The following ANO4 variants were observed in gnomAD, a reference collection of about 807,000 sequenced individuals.
ANO4 encodes anoctamin 4, also known as anoctamin-4.
In ANO4, 69 loss-of-function variants were observed where a neutral mutation model predicts 141.9. That is an observed-to-expected ratio of 0.49 (90% CI 0.40 to 0.59). The LOEUF is 0.59. ANO4 is among the 20% of genes least tolerant of loss of function. The probability of loss-of-function intolerance (pLI) is 0.00; values close to 1 mark genes in which losing one functional copy is unlikely to be tolerated. For synonymous variants in ANO4, 350 were observed against 394.3 expected (o/e 0.89, Z 1.33); for missense variants, 894 against 1,162.2 (o/e 0.77, Z 3.36).
intron 2 of ANO4, among the ~76,000 whole-genome samples, chr12:100,920,842 A>G (rs966655128): frequency 1.3e-5 from 2 of 152,080 alleles, no homozygotes; most frequent in Admixed American, 6.6e-5. Flanking sequence ...ATTATTATGG[A>G]TGATCATAGT....
At chr12:100,719,350 A>C (rs951398535) in intron 1 of ANO4, among the ~76,000 whole-genome samples, 1 of 152,230 alleles carries the variant, frequency 6.6e-6, no homozygotes, top group Non-Finnish European at 1.5e-5. Flanking sequence ...TTTTCAACCT[A>C]GTGAACAAGT....
chr12:100,886,962 C>G (rs1188463336), intron 1 of ANO4, among the ~76,000 whole-genome samples: 1 of 152,172 alleles, frequency 6.6e-6, no homozygotes, highest in Non-Finnish European at 1.5e-5. Context: ...ATAGATTCTG[C>G]CTTTTTCATC....
chr12:100,833,720 A>G (rs1243765325), intron 1 of ANO4, among the ~76,000 whole-genome samples: 1 of 151,960 alleles, frequency 6.6e-6, no homozygotes, highest in African/African-American at 2.4e-5. Flanking sequence ...TGTCTGGCTC[A>G]TAGTAGGAGA....
At chr12:100,831,978 C>T (rs752860449) in intron 1 of ANO4, among the ~76,000 whole-genome samples, 3 of 151,940 alleles carry the variant, frequency 2.0e-5, no homozygotes, top group South Asian at 2.1e-4. Flanking sequence ...GGGCTGGTAC[C>T]GTCTTTATTC....
At chr12:100,791,367 A>C (rs988762993), upstream of ANO4, among the ~76,000 whole-genome samples, 1 of 152,128 alleles carries the variant, frequency 6.6e-6, no homozygotes, top group Non-Finnish European at 1.5e-5. Context: ...CCGAGATCGC[A>C]CCACTGCACT....
chr12:100,725,015 A>G (rs568027706), intron 1 of ANO4, among the ~76,000 whole-genome samples: 35 of 152,348 alleles, frequency 2.3e-4, no homozygotes, highest in Non-Finnish European at 3.7e-4. Flanking sequence ...ACTCTATACA[A>G]TAAACATATA....
chr12:100,914,240 GA>G (rs2041238177), intron 2 of ANO4, among the ~76,000 whole-genome samples: 1 of 152,192 alleles, frequency 6.6e-6, no homozygotes, highest in Non-Finnish European at 1.5e-5. Context: ...TGCTGAAGGA[GA>G]GCCATTACTG....
chr12:100,896,697 G>A (rs2040370221), intron 1 of ANO4, among the ~76,000 whole-genome samples: 1 of 152,194 alleles, frequency 6.6e-6, no homozygotes, highest in African/African-American at 2.4e-5. Context: ...AAAAAAGTAA[G>A]GGGAGGTAGC....
At chr12:100,932,746 T>A (rs1206254468) in intron 3 of ANO4, among the ~76,000 whole-genome samples, 1 of 152,154 alleles carries the variant, frequency 6.6e-6, no homozygotes, top group African/African-American at 2.4e-5. Context: ...TCTGCCTCCA[T>A]CCTGGGATGA....
intron 1 of ANO4, among the ~76,000 whole-genome samples, chr12:100,880,988 C>T (rs1173246291): frequency 2.0e-5 from 3 of 152,004 alleles, no homozygotes; most frequent in African/African-American, 4.8e-5. Context: ...AGAATATGCT[C>T]CAAGCTCAAT....
intron 25 of ANO4, among the ~76,000 whole-genome samples, chr12:101,118,972 G>GT (rs1223578403): frequency 1.3e-5 from 2 of 150,640 alleles, no homozygotes; most frequent in African/African-American, 2.4e-5. Flanking sequence ...GCGGTGTTTG[G>GT]TTTTTTGTCC....
chr12:100,739,785 G>C, intron 2 of ANO4: 2 of 677,620 alleles, frequency 3.0e-6, no homozygotes, highest in South Asian at 3.1e-5. Context: ...AGATTTTGGG[G>C]AAGTATGAAA....
intron 5 of ANO4, among the ~76,000 whole-genome samples, chr12:100,964,138 C>A (rs1390831868): frequency 1.3e-5 from 2 of 151,166 alleles, no homozygotes; most frequent in Non-Finnish European, 3.0e-5. Flanking sequence ...AGCATTCCTT[C>A]AAAAAAAAAT....
In ANO4 at chr12:100,740,319, C is replaced by A. The variant is rs571877184; in HGVS notation, c.358+214C>A. ...ATCGAACTCCTGGCCTCAAGCAATC[C>A]CTCCCACCTCAGCCTCCTGAGTAGC... On this transcript the variant is annotated intron_variant, in intron 3 of 29. Coordinates refer to the ANO4 transcript ENST00000644049. 5.1e-4 allele frequency among the ~76,000 whole-genome samples: 77 copies of A among 152,082 alleles called. 1 individual carries two copies. In the South Asian group the frequency reaches 0.014, roughly 28 times the overall value.
intron 1 of ANO4, among the ~76,000 whole-genome samples, chr12:100,899,722 G>A (rs1401407162): frequency 6.6e-6 from 1 of 152,134 alleles, no homozygotes; most frequent in Non-Finnish European, 1.5e-5. Context: ...TGGTGATTTT[G>A]CAGTTTACCT....
At chr12:100,788,112 G>A (rs900806978) in intron 3 of ANO4, among the ~76,000 whole-genome samples, 2 of 152,150 alleles carry the variant, frequency 1.3e-5, no homozygotes, top group African/African-American at 4.8e-5. Context: ...TGAGAAAAGA[G>A]GGATGATGTG....
At chr12:100,907,418 A>G (rs2040895892) in intron 2 of ANO4, among the ~76,000 whole-genome samples, 1 of 152,194 alleles carries the variant, frequency 6.6e-6, no homozygotes, top group Non-Finnish European at 1.5e-5. Context: ...TCTAGATCTT[A>G]TAGTCAGAAT....
intron 8 of ANO4, among the ~76,000 whole-genome samples, chr12:101,002,038 G>A (rs2045665531): frequency 6.6e-6 from 1 of 151,936 alleles, no homozygotes; most frequent in African/African-American, 2.4e-5. Flanking sequence ...CTTCCTCGCT[G>A]CCCACCATCA....
chr12:100,786,794 T>C (rs1052087591), intron 3 of ANO4, among the ~76,000 whole-genome samples: 1 of 152,186 alleles, frequency 6.6e-6, no homozygotes, highest in Admixed American at 6.5e-5. Context: ...GAGAAGGAGA[T>C]GTTTTAGATT....
Sources: allele counts gnomAD v4.1 joint callset (sites outside exome capture counted in the v4.1 genomes callset), GRCh38; gene constraint gnomAD v4.1.1; transcripts MANE v1.5; gene names NCBI Gene and HGNC (gene_info 2026-07-23, HGNC 2026-07-21).